TOP6BL: variants seen among roughly 807,000 people sequenced by gnomAD.
The protein encoded by TOP6BL is type 2 DNA topoisomerase 6 subunit B-like.
chr11:66,787,398 A>G, the TOP6BL span, among the ~76,000 whole-genome samples: 139 of 152,040 alleles, frequency 9.1e-4, no homozygotes, highest in African/African-American at 3.0e-3. Flanking sequence ...TGTAATATCA[A>G]CATTGTCAAC....
At chr11:66,826,649 C>T in the TOP6BL span, among the ~76,000 whole-genome samples, 3 of 151,748 alleles carry the variant, frequency 2.0e-5, no homozygotes, top group South Asian at 2.1e-4. Context: ...GCTGTGAGAT[C>T]TTGGGTGGGT....
At chr11:66,782,912 C>T in the TOP6BL span, among the ~76,000 whole-genome samples, 29 of 152,288 alleles carry the variant, frequency 1.9e-4, no homozygotes, top group African/African-American at 7.0e-4. Context: ...CTTTCTTCCT[C>T]CTTATCCCCA....
chr11:66,840,268 A>C, the TOP6BL span, among the ~76,000 whole-genome samples: 1 of 152,084 alleles, frequency 6.6e-6, no homozygotes, highest in Non-Finnish European at 1.5e-5. Context: ...TGGCTACTCC[A>C]TTCTTTAAAA....
At chr11:66,838,518 A>G in the TOP6BL span, 5 of 1,389,416 alleles carry the variant, frequency 3.6e-6, no homozygotes, top group Middle Eastern at 1.8e-4. Flanking sequence ...CAAACTTTCA[A>G]ACTATTCCAC....
chr11:66,832,276 A>G, the TOP6BL span, among the ~76,000 whole-genome samples: 1 of 151,542 alleles, frequency 6.6e-6, no homozygotes, highest in Non-Finnish European at 1.5e-5. Context: ...TGTTTTTTCT[A>G]TTTTTAGTAA....
the TOP6BL span, among the ~76,000 whole-genome samples, chr11:66,818,090 C>T: frequency 9.2e-5 from 14 of 152,048 alleles, no homozygotes; most frequent in Non-Finnish European, 1.6e-4. Context: ...AATGTGTTTT[C>T]GTGGGACTCT....
chr11:66,751,591 C>G, the TOP6BL span, among the ~76,000 whole-genome samples: 2 of 151,820 alleles, frequency 1.3e-5, no homozygotes, highest in Non-Finnish European at 2.9e-5. Flanking sequence ...CCTGCCTCAG[C>G]CTCCCAAACT....
the TOP6BL span, among the ~76,000 whole-genome samples, chr11:66,747,918 C>T: frequency 2.6e-5 from 4 of 152,272 alleles, no homozygotes; most frequent in East Asian, 7.7e-4. Flanking sequence ...CCGCGCAGGG[C>T]AGCATTAGCA....
chr11:66,751,873 ATTTTCTGT>A, the TOP6BL span, among the ~76,000 whole-genome samples: 1 of 151,998 alleles, frequency 6.6e-6, no homozygotes, highest in African/African-American at 2.4e-5. Context: ...TACTTATTTT[ATTTTCTGT>A]TTTTATCATC....
At chr11:66,783,343 C>T in the TOP6BL span, among the ~76,000 whole-genome samples, 3 of 152,102 alleles carry the variant, frequency 2.0e-5, no homozygotes, top group African/African-American at 7.2e-5. Flanking sequence ...GCCTGGGCCA[C>T]AGAACATGAT....
At chr11:66,813,230 T>A in the TOP6BL span, among the ~76,000 whole-genome samples, 3 of 152,236 alleles carry the variant, frequency 2.0e-5, no homozygotes, top group East Asian at 5.8e-4. Flanking sequence ...TCTGGATATT[T>A]GTCTTTGTAC....
At chr11:66,799,668 C>T in the TOP6BL span, among the ~76,000 whole-genome samples, 1 of 151,408 alleles carries the variant, frequency 6.6e-6, no homozygotes, top group East Asian at 1.9e-4. Flanking sequence ...GCCGAGATTG[C>T]GCCATTGCAC....
chr11:66,747,775 C>T, the TOP6BL span, among the ~76,000 whole-genome samples: 2 of 152,000 alleles, frequency 1.3e-5, no homozygotes, highest in Non-Finnish European at 2.9e-5. Context: ...CACGCCACCA[C>T]GCTGGGCTAA....
At chr11:66,772,228 T>A in the TOP6BL span, among the ~76,000 whole-genome samples, 1 of 152,206 alleles carries the variant, frequency 6.6e-6, no homozygotes, top group African/African-American at 2.4e-5. Context: ...TTGCTAGTAT[T>A]TGAAATACAA....
the TOP6BL span, chr11:66,843,281 A>G: frequency 6.3e-7 from 1 of 1,598,908 alleles, no homozygotes; most frequent in Admixed American, 1.7e-5. Flanking sequence ...GGCTGCGGGC[A>G]GCCGTTATCC....
chr11:66,784,596 G>A, the TOP6BL span, among the ~76,000 whole-genome samples: 2 of 152,150 alleles, frequency 1.3e-5, no homozygotes, highest in South Asian at 2.1e-4. Flanking sequence ...TGTCTCTGTC[G>A]ATTTGCTTAT....
At chr11:66,784,513 A>G in the TOP6BL span, among the ~76,000 whole-genome samples, 1 of 152,222 alleles carries the variant, frequency 6.6e-6, no homozygotes, top group Admixed American at 6.5e-5. Context: ...CCAGAAAAAG[A>G]AACCGTGTAC....
chr11:66,750,581 G>C, the TOP6BL span, among the ~76,000 whole-genome samples: 1 of 151,260 alleles, frequency 6.6e-6, no homozygotes, highest in Non-Finnish European at 1.5e-5. Flanking sequence ...ACAGTACCCT[G>C]CGTGCTTCCC....
At chr11:66,771,582 C>G in the TOP6BL span, 1 of 153,218 alleles carries the variant, frequency 6.5e-6, no homozygotes, top group Non-Finnish European at 1.5e-5. Flanking sequence ...AAAATAGAAG[C>G]CCAGAATGAG....
Sources: allele counts gnomAD v4.1 joint callset (sites outside exome capture counted in the v4.1 genomes callset), GRCh38; gene constraint gnomAD v4.1.1; transcripts MANE v1.5; gene names NCBI Gene and HGNC (gene_info 2026-07-23, HGNC 2026-07-21).